Variants in ATP8A2 observed in about 807,000 individuals in gnomAD.
ATP8A2 encodes phospholipid-transporting ATPase IB.
ATP8A2 carries 100 observed loss-of-function variants against 165.6 expected under a neutral mutation model. The observed-to-expected ratio is 0.60, with a 90% CI of 0.51 to 0.71. The LOEUF (loss-of-function observed/expected upper bound fraction) is 0.71, where lower values mean the gene tolerates loss of function less well. Among genes scored for constraint, ATP8A2 ranks in the 30% least tolerant of loss-of-function variants. The pLI, the probability that ATP8A2 is intolerant of heterozygous loss-of-function variation, is 0.00. For missense variants in ATP8A2, 1,227 were observed against 1,479.5 expected, an observed-to-expected ratio of 0.83 and a Z score of 2.80; for synonymous variants, 543 against 548.8, an observed-to-expected ratio of 0.99 and a Z score of 0.15.
chr13:25,530,131 C>A (rs919810798), intron 3 of ATP8A2, 33 bp downstream of exon 3: 1 of 1,298,976 alleles, frequency 7.7e-7, no homozygotes, highest in Non-Finnish European at 1.1e-6. Flanking sequence ...TTGGAATTCA[C>A]TTAATTACAT....
In ATP8A2 at chr13:25,905,289, T is replaced by TA. The variant is rs201125476; in HGVS notation, c.3183+42882dup. Among the ~76,000 whole-genome samples, 860 of 152,312 alleles carry TA rather than the reference T, an allele frequency of 5.6e-3. 6 individuals are homozygous for TA. Among genetic ancestry groups the TA allele is most frequent in the African/African-American group, 0.019 (776 of 41,562 alleles). ...GGGATGCTTTCTAAGTGACATCTCTTATACACTCATTTCTAAAACGATAAG... is the reference window on the plus strand; with the variant it reads ...GGGATGCTTTCTAAGTGACATCTCTTAATACACTCATTTCTAAAACGATAAG... On this transcript the variant is annotated intron_variant, in intron 33 of 36. Transcript: ENST00000381655.
intron 33 of ATP8A2, among the ~76,000 whole-genome samples, chr13:25,884,923 T>C (rs2138868127): frequency 6.6e-6 from 1 of 152,226 alleles, no homozygotes; most frequent in African/African-American, 2.4e-5. Flanking sequence ...GACTGTTGAC[T>C]CTGCAGGGAA....
rs1457832620 is a variant in ATP8A2 at position 25,526,118 on chromosome 13, T to A, written c.222-3881T>A. ...TGAGTTTTTCAGTTCCTCAAATACA[T>A]TTCTCAGTTTGAAGATTTCTGTTTG... On this transcript the variant is annotated intron_variant, in intron 2 of 36. Transcript: ENST00000381655. 3.3e-5 allele frequency among the ~76,000 whole-genome samples: 5 copies of A among 152,136 alleles called. No homozygotes were observed. In the East Asian group the frequency reaches 9.6e-4, roughly 29 times the overall value.
chr13:25,456,676 C>T (rs1593333090), intron 1 of ATP8A2, among the ~76,000 whole-genome samples: 1 of 152,330 alleles, frequency 6.6e-6, no homozygotes, highest in East Asian at 1.9e-4. Flanking sequence ...ACATTCGAAG[C>T]TGTCTTAGTT....
chr13:25,916,204 A>G (rs1013373530), intron 33 of ATP8A2, among the ~76,000 whole-genome samples: 4 of 152,254 alleles, frequency 2.6e-5, no homozygotes, highest in Non-Finnish European at 4.4e-5. Flanking sequence ...CCATTTTCAC[A>G]TAACTCATCC....
At chr13:25,965,853 A>C (rs899687076) in intron 34 of ATP8A2, among the ~76,000 whole-genome samples, 1 of 152,318 alleles carries the variant, frequency 6.6e-6, no homozygotes, top group African/African-American at 2.4e-5. Context: ...AATGGAAAGA[A>C]GAGGTAATGA....
Position 25,614,017 on chromosome 13 carries a change from C to T in ATP8A2, c.2211+24318C>T, listed in dbSNP as rs531971817. Among the ~76,000 whole-genome samples the T allele has an allele frequency of 2.1e-3, 327 of 152,220 alleles. 5 individuals are homozygous for T. Among genetic ancestry groups the T allele is most frequent in the South Asian group, 0.017 (81 of 4,824 alleles). On this transcript the variant is annotated intron_variant, in intron 24 of 36. Coordinates refer to ENST00000381655, the MANE Select transcript of ATP8A2 (RefSeq NM_016529.6). Reference sequence around the variant, plus strand: ...ATAACCTGATGACTGTGTACCTAGGCGATGATCTTTTTGCAGTGAATTTCC... The same window carrying T: ...ATAACCTGATGACTGTGTACCTAGGTGATGATCTTTTTGCAGTGAATTTCC...
At chr13:25,774,733 C>A in intron 26 of ATP8A2, 116 bp from the exon 27 acceptor site, 1 of 587,864 alleles carries the variant, frequency 1.7e-6, no homozygotes, top group Non-Finnish European at 3.0e-6. Flanking sequence ...GAGATTCCTG[C>A]GGAATCTGGT....
intron 23 of ATP8A2, among the ~76,000 whole-genome samples, chr13:25,585,252 A>G (rs1441926449): frequency 6.6e-6 from 1 of 152,228 alleles, no homozygotes; most frequent in Non-Finnish European, 1.5e-5. Context: ...CTTTTAGCTT[A>G]AAAATTTGGC....
intron 25 of ATP8A2, among the ~76,000 whole-genome samples, chr13:25,712,482 G>C (rs947842620): frequency 1.3e-5 from 2 of 152,186 alleles, no homozygotes; most frequent in African/African-American, 4.8e-5. Context: ...GTCCTCCTGG[G>C]CAGGTGACTG....
chr13:25,450,489 A>AT (rs1439441390), intron 1 of ATP8A2, among the ~76,000 whole-genome samples: 1 of 151,712 alleles, frequency 6.6e-6, no homozygotes, highest in Non-Finnish European at 1.5e-5. Context: ...AGGATCTGTT[A>AT]TTTTTTTACT....
intron 33 of ATP8A2, among the ~76,000 whole-genome samples, chr13:25,881,289 GC>G (rs1479264004): frequency 1.3e-5 from 2 of 152,290 alleles, no homozygotes; most frequent in East Asian, 3.9e-4. Flanking sequence ...AAAGCTGCTT[GC>G]ACTCTGACTT....
chr13:25,752,205 A>G (rs913510090), intron 25 of ATP8A2, among the ~76,000 whole-genome samples: 4 of 152,140 alleles, frequency 2.6e-5, no homozygotes, highest in African/African-American at 9.7e-5. Flanking sequence ...TCACGCCTGT[A>G]ATCCCAACAC....
At chr13:25,859,389 AG>A (rs1408579476) in intron 30 of ATP8A2, among the ~76,000 whole-genome samples, 1 of 152,170 alleles carries the variant, frequency 6.6e-6, no homozygotes. Context: ...GAAAGAAATA[AG>A]AATAAAGGAA....
Position 25,434,239 on chromosome 13 carries a change from C to T in ATP8A2, c.77-34738C>T, listed in dbSNP as rs151213798. On this transcript the variant is annotated intron_variant, in intron 1 of 36. Transcript: ENST00000381655. ...TGGTGCCTGTAGCTTGCATTCAGGA[C>T]ACTGACCCACAGTTTGTCATTTATT... 3.4e-3 allele frequency among the ~76,000 whole-genome samples: 515 copies of T among 152,302 alleles called. 3 individuals carry two copies. Among genetic ancestry groups the T allele is most frequent in the Admixed American group, 5.9e-3 (90 of 15,300 alleles).
At chr13:25,813,763 T>C (rs1419170116) in intron 27 of ATP8A2, among the ~76,000 whole-genome samples, 2 of 152,134 alleles carry the variant, frequency 1.3e-5, no homozygotes, top group Non-Finnish European at 2.9e-5. Flanking sequence ...ATTCTGGGTG[T>C]TTCTGTGAGG....
intron 24 of ATP8A2, among the ~76,000 whole-genome samples, chr13:25,600,438 G>A (rs985333859): frequency 2.6e-5 from 4 of 152,170 alleles, no homozygotes; most frequent in Non-Finnish European, 5.9e-5. Flanking sequence ...GTTAACAGCT[G>A]GCACAGAAAT....
intron 26 of ATP8A2, among the ~76,000 whole-genome samples, chr13:25,771,080 C>G (rs1345889770): frequency 6.6e-6 from 1 of 152,250 alleles, no homozygotes; most frequent in Admixed American, 6.5e-5. Context: ...ATCCTCCTGG[C>G]TCTGAAAAGT....
At chr13:25,472,472 A>G (rs1454293890) in intron 2 of ATP8A2, among the ~76,000 whole-genome samples, 2 of 152,022 alleles carry the variant, frequency 1.3e-5, no homozygotes, top group Non-Finnish European at 2.9e-5. Context: ...GAGCCATATT[A>G]TTTTAGCACT....
Sources: gnomAD v4.1 joint callset for allele counts (sites outside exome capture counted in the v4.1 genomes callset) on GRCh38, gnomAD v4.1.1 for gene constraint, MANE v1.5 for transcripts, NCBI Gene and HGNC (gene_info 2026-07-23, HGNC 2026-07-21) for gene names.